COL27A1: variants seen among roughly 807,000 people sequenced by gnomAD.
COL27A1 encodes the protein collagen type XXVII alpha 1 chain, also known as collagen alpha-1(XXVII) chain.
In COL27A1, 106 loss-of-function variants were observed where a neutral mutation model predicts 251.3. The ratio of observed to expected loss-of-function variants is 0.42; its 90% CI spans 0.36 to 0.50. The LOEUF (loss-of-function observed/expected upper bound fraction) is 0.50, where lower values mean the gene tolerates loss of function less well. Among genes scored for constraint, COL27A1 ranks in the 20% least tolerant of loss-of-function variants. The pLI is 0.00. For synonymous variants in COL27A1, 1,000 were observed against 986.3 expected (o/e 1.01, Z -0.26); for missense variants, 2,325 against 2,522.8 (o/e 0.92, Z 1.68).
chr9:114,233,594 G>C (rs1744280884), intron 16 of COL27A1, among the ~76,000 whole-genome samples: 1 of 152,196 alleles, frequency 6.6e-6, no homozygotes, highest in South Asian at 2.1e-4. Flanking sequence ...ATGGACGAGA[G>C]AGAAAGGAAG....
intron 14 of COL27A1, among the ~76,000 whole-genome samples, chr9:114,228,251 G>T (rs1250511522): frequency 6.6e-6 from 1 of 152,240 alleles, no homozygotes; most frequent in East Asian, 1.9e-4. Flanking sequence ...AGCCACTTCA[G>T]GCCTGGAGGG....
Position 114,231,842 on chromosome 9 carries a change from G to A in COL27A1, c.2541G>A (p.Gly847=), listed in dbSNP as rs1291007387. ...TGCAGGGACTGATGGGCAGCGTGGG[G>A]GAGCCCGGACTGAAAGGTGATAAGG... ...KGMKGLMGSV[G]EPGLKGDKGE... Residue 847 remains glycine (G), a synonymous_variant, in exon 16 of 61, where the codon GGG becomes GGA. Coordinates refer to ENST00000356083, the MANE Select transcript of COL27A1 (RefSeq NM_032888.4). 2.5e-6 allele frequency: 4 copies of A among 1,614,196 alleles called. No homozygotes were observed. Among genetic ancestry groups the A allele is most frequent in the East Asian group, 4.5e-5 (2 of 44,874 alleles).
intron 30 of COL27A1, 36 bp downstream of exon 30, chr9:114,265,004 G>GC: frequency 6.2e-7 from 1 of 1,612,304 alleles, no homozygotes; most frequent in Non-Finnish European, 8.5e-7. Flanking sequence ...CCAGCTGCAG[G>GC]CCCCCTCCCT....
In COL27A1 at chr9:114,289,282, C is replaced by G. The variant is rs199641806; in HGVS notation, c.4193C>G (p.Ser1398Trp). 185 of 1,592,552 alleles carry G rather than the reference C, an allele frequency of 1.2e-4. No individual in the cohort carries two copies. The highest frequency in any genetic ancestry group is 1.5e-4 in the Non-Finnish European group (176 of 1,171,822). ...GPRGWPGPKG[S>W]KGAEGPKGKQ... The stretch of plus-strand genomic sequence containing the variant: ...CGGGGGTGGCCGGGACCCAAAGGAT[C>G]GAAAGGCGCAGAGGTAAGAGGGCCG... Residue 1398 changes from serine (S) to tryptophan (W), a missense_variant, in exon 45 of 61, where the codon TCG (serine) becomes TGG (tryptophan). Coordinates refer to ENST00000356083, the MANE Select transcript of COL27A1 (RefSeq NM_032888.4).
chr9:114,245,979 G>T, intron 24 of COL27A1, 69 bp downstream of exon 24: 8 of 1,392,936 alleles, frequency 5.7e-6, no homozygotes, highest in Non-Finnish European at 8.1e-6. Context: ...CAAGCCCTTT[G>T]CCCAGCACCC....
intron 37 of COL27A1, among the ~76,000 whole-genome samples, chr9:114,277,702 A>T (rs1302280471): frequency 1.3e-5 from 2 of 152,184 alleles, no homozygotes; most frequent in Admixed American, 6.5e-5. Context: ...GCGGGGAAGT[A>T]GGCCAAGGGG....
At chr9:114,240,519 C>T (rs1308909098) in intron 21 of COL27A1, 32 bp downstream of exon 21, 1 of 1,593,848 alleles carries the variant, frequency 6.3e-7, no homozygotes, top group Non-Finnish European at 8.5e-7. Flanking sequence ...CACTGCCCAT[C>T]CTGGCCTGAT....
rs559285602 is a variant in COL27A1 at position 114,267,492 on chromosome 9, G to A, written c.3448-12G>A. The stretch of plus-strand genomic sequence containing the variant: ...TCTTGCTCTAGGAGGGACCAATGGC[G>A]TTTTCTTTCAGGGGCCGCCTGGTGC... On this transcript the variant is annotated splice_polypyrimidine_tract_variant and intron_variant, in intron 33 of 60. Transcript: ENST00000356083. 72 of 1,599,624 alleles carry A rather than the reference G, an allele frequency of 4.5e-5. 1 individual carries two copies. Among genetic ancestry groups the A allele is most frequent in the South Asian group, 3.8e-4 (34 of 89,268 alleles).
chr9:114,277,445 G>T (rs10817582), intron 37 of COL27A1, among the ~76,000 whole-genome samples: 29,510 of 152,072 alleles, frequency 0.19, 3,645 homozygotes, highest in East Asian at 0.29. Context: ...GTTTGATTCA[G>T]GCCTGCTCTT....
At chr9:114,288,804 G>T (rs1489247812) in intron 43 of COL27A1, 49 bp downstream of exon 43, 1 of 1,602,534 alleles carries the variant, frequency 6.2e-7, no homozygotes, top group Admixed American at 1.7e-5. Context: ...ATGTCAGGGA[G>T]AGGGGGGATG....
chr9:114,301,252 G>A lies in COL27A1; in HGVS notation c.4756-32G>A, dbSNP rs774687504. The A allele has an allele frequency of 1.8e-5, 29 of 1,611,288 alleles. No homozygotes were observed. The South Asian group carries it at 2.8e-4, about 15-fold the overall frequency. On this transcript the variant is annotated intron_variant, in intron 52 of 60. Coordinates refer to ENST00000356083, the MANE Select transcript of COL27A1 (RefSeq NM_032888.4). ...TCTGGAAATGGGGCTTCACCTCTGG[G>A]CCCTGTCTCACTGGGCCGTGGTTTG...
Position 114,310,547 on chromosome 9 carries a change from A to G in COL27A1, c.5437-2A>G. 6.2e-7 allele frequency: 1 copy of G among 1,614,210 alleles called. No homozygotes were observed. Among genetic ancestry groups the G allele is most frequent in the Non-Finnish European group, 8.5e-7 (1 of 1,180,020 alleles). ...CGTGTGCACTTTTCCTTCTGCCTTC[A>G]GGTCCAAGATGGCCGCTGGCATCAG... On this transcript the variant is annotated splice_acceptor_variant, in intron 60 of 60. Coordinates refer to ENST00000356083, the MANE Select transcript of COL27A1 (RefSeq NM_032888.4). LOFTEE classifies it high-confidence loss of function.
intron 26 of COL27A1, 31 bp from the exon 27 acceptor site, chr9:114,252,848 G>A: frequency 6.2e-7 from 1 of 1,611,240 alleles, no homozygotes; most frequent in South Asian, 1.1e-5. Context: ...TTCCATAGCT[G>A]ATTCCTCCTT....
At chr9:114,266,976 C>G (rs189670566) in intron 33 of COL27A1, among the ~76,000 whole-genome samples, 3 of 152,258 alleles carry the variant, frequency 2.0e-5, no homozygotes, top group Admixed American at 6.5e-5. Context: ...ATCCAGCCCC[C>G]AAGGGTCATG....
At chr9:114,209,597 G>A (rs1830207151) in intron 10 of COL27A1, 78 bp from the exon 11 acceptor site, 1 of 1,310,740 alleles carries the variant, frequency 7.6e-7, no homozygotes, top group South Asian at 1.2e-5. Flanking sequence ...GGATGGCAGT[G>A]GTGGGTGGGC....
chr9:114,177,167 C>T (rs550522415), intron 3 of COL27A1, among the ~76,000 whole-genome samples: 50 of 152,288 alleles, frequency 3.3e-4, no homozygotes, highest in African/African-American at 1.2e-3. Context: ...ATCTGAGACT[C>T]AGATAAGTGG....
chr9:114,197,752 C>T (rs895755150), intron 7 of COL27A1, among the ~76,000 whole-genome samples: 7 of 152,242 alleles, frequency 4.6e-5, no homozygotes, highest in Admixed American at 2.0e-4. Context: ...AAAGCCACTG[C>T]GCAGCTGGAA....
intron 3 of COL27A1, among the ~76,000 whole-genome samples, chr9:114,172,236 C>T (rs1255497019): frequency 6.6e-6 from 1 of 152,202 alleles, no homozygotes; most frequent in Non-Finnish European, 1.5e-5. Context: ...ATGAAATGAA[C>T]TCTCATTCTT....
chr9:114,176,515 C>T (rs1292459288), intron 3 of COL27A1, among the ~76,000 whole-genome samples: 2 of 147,722 alleles, frequency 1.4e-5, no homozygotes, highest in African/African-American at 5.0e-5. Flanking sequence ...TAGCTTTGCT[C>T]AAAGCCACCC....
Sources: allele counts gnomAD v4.1 joint callset (sites outside exome capture counted in the v4.1 genomes callset), GRCh38; gene constraint gnomAD v4.1.1; transcripts MANE v1.5; gene names NCBI Gene and HGNC (gene_info 2026-07-23, HGNC 2026-07-21).